Variants in GABPB1 observed in about 807,000 individuals in gnomAD.
The protein encoded by GABPB1 is GA-binding protein subunit beta-1.
A neutral mutation model predicts 45.9 loss-of-function variants in GABPB1; 15 were observed. The ratio of observed to expected loss-of-function variants is 0.33; its 90% CI spans 0.22 to 0.50. The LOEUF (loss-of-function observed/expected upper bound fraction) is 0.50, where lower values mean the gene tolerates loss of function less well. Among genes scored for constraint, GABPB1 ranks in the 20% least tolerant of loss-of-function variants. The pLI is 0.98. For synonymous variants in GABPB1, 143 were observed against 154.4 expected (o/e 0.93, Z 0.55); for missense variants, 252 against 457.5 (o/e 0.55, Z 4.10).
chr15:50,310,629 T>C (rs1395312032), intron 1 of GABPB1, among the ~76,000 whole-genome samples: 1 of 152,194 alleles, frequency 6.6e-6, no homozygotes, highest in African/African-American at 2.4e-5. Context: ...AAGTAAACAA[T>C]TCACATTCTA....
intron 8 of GABPB1, among the ~76,000 whole-genome samples, chr15:50,281,920 G>A (rs1039987057): frequency 6.6e-6 from 1 of 151,510 alleles, no homozygotes; most frequent in African/African-American, 2.4e-5. Context: ...TGGGCAACAG[G>A]GCAAAACCTC....
At chr15:50,298,745 A>G (rs2046613759) in intron 6 of GABPB1, among the ~76,000 whole-genome samples, 1 of 152,198 alleles carries the variant, frequency 6.6e-6, no homozygotes, top group Non-Finnish European at 1.5e-5. Context: ...TGAGGTGAGG[A>G]GTTCGAGACC....
intron 2 of GABPB1, among the ~76,000 whole-genome samples, chr15:50,306,786 T>C (rs1157721524): frequency 6.6e-6 from 1 of 152,130 alleles, no homozygotes; most frequent in African/African-American, 2.4e-5. Flanking sequence ...TTGCCTGTTT[T>C]GAGTTTTATT....
chr15:50,348,642 T>A (rs1162658980), intron 1 of GABPB1, among the ~76,000 whole-genome samples: 2 of 151,378 alleles, frequency 1.3e-5, no homozygotes, highest in Non-Finnish European at 2.9e-5. Context: ...GGCAGGCAGA[T>A]CACAAGGTCA....
chr15:50,324,623 C>A (rs1477362050), intron 1 of GABPB1, among the ~76,000 whole-genome samples: 1 of 149,346 alleles, frequency 6.7e-6, no homozygotes, highest in Non-Finnish European at 1.5e-5. Context: ...CGGCTCACTG[C>A]AACCTCCGCC....
rs1242480146 is a variant in GABPB1 at position 50,289,517 on chromosome 15, C to T, written c.849G>A (p.Gln283=). The T allele has an allele frequency of 1.2e-6, 2 of 1,613,052 alleles. No homozygotes were observed. The highest frequency in any genetic ancestry group is 3.3e-5 in the Admixed American group (2 of 59,948). ...LHSIPTSGIG[Q]PIIVTMPDGQ... ...CATCTGGCATGGTCACAATGATGGG[C>T]TGACCAATTCCACTGGTTGGAATAG... The change falls in exon 7 of 9, where the codon CAG becomes CAA. Residue 283 remains glutamine (Q), a synonymous_variant. Coordinates refer to ENST00000380877, the MANE Select transcript of GABPB1 (RefSeq NM_016654.5).
chr15:50,355,134 G>A lies in GABPB1; in HGVS notation c.-150C>T, dbSNP rs1390550372. 1 of 153,186 alleles carries A rather than the reference G, an allele frequency of 6.5e-6. No homozygotes were observed. The highest frequency in any genetic ancestry group is 1.5e-5 in the Non-Finnish European group (1 of 68,334). The allele number at this position is 153,186 out of a possible 1,614,324, so 9.5% of individuals were successfully genotyped here. ...GCTATTTTCCGAAAATGCCGCGTCTGGTCGGCGCCCAAAATCCCCACCGAA... is the reference window on the plus strand; with the variant it reads ...GCTATTTTCCGAAAATGCCGCGTCTAGTCGGCGCCCAAAATCCCCACCGAA... On this transcript the variant is annotated 5_prime_UTR_variant, in exon 1 of 9. It introduces an in-frame stop codon into an upstream open reading frame of the 5' UTR. Coordinates refer to ENST00000380877, the MANE Select transcript of GABPB1 (RefSeq NM_016654.5).
intron 6 of GABPB1, among the ~76,000 whole-genome samples, chr15:50,296,277 G>C (rs1241430382): frequency 6.6e-6 from 1 of 152,144 alleles, no homozygotes; most frequent in Non-Finnish European, 1.5e-5. Flanking sequence ...TACTGATGGA[G>C]CTTACACTAT....
At chr15:50,332,457 T>C (rs1210489093) in intron 1 of GABPB1, among the ~76,000 whole-genome samples, 1 of 152,150 alleles carries the variant, frequency 6.6e-6, no homozygotes, top group African/African-American at 2.4e-5. Flanking sequence ...CAAATATAAT[T>C]TTTTAAATCT....
Position 50,318,189 on chromosome 15 carries a change from T to A in GABPB1, c.1-8391A>T, listed in dbSNP as rs146849323. Among the ~76,000 whole-genome samples, 1,070 of 152,250 alleles carry A rather than the reference T, an allele frequency of 7.0e-3. 5 individuals carry two copies. Among genetic ancestry groups the A allele is most frequent in the Admixed American group, 0.011 (163 of 15,296 alleles). The stretch of plus-strand genomic sequence containing the variant: ...GGAAGCAAGTAAAAAGTAAAAAGAT[T>A]TACCAAAGAACACTAGTTTTGATCT... On this transcript the variant is annotated intron_variant, in intron 1 of 8. Transcript: ENST00000380877.
chr15:50,331,402 G>T (rs1280976276), intron 1 of GABPB1, among the ~76,000 whole-genome samples: 3 of 152,208 alleles, frequency 2.0e-5, no homozygotes, highest in Non-Finnish European at 2.9e-5. Flanking sequence ...ATTAACCAGA[G>T]ATTATTTGAC....
chr15:50,312,370 CT>C (rs1288104562), intron 1 of GABPB1, among the ~76,000 whole-genome samples: 3 of 152,098 alleles, frequency 2.0e-5, no homozygotes, highest in Non-Finnish European at 2.9e-5. Context: ...ATTTCCTTTC[CT>C]TTTTTTCTCC....
At chr15:50,317,291 G>A (rs2047367982) in intron 1 of GABPB1, among the ~76,000 whole-genome samples, 1 of 151,554 alleles carries the variant, frequency 6.6e-6, no homozygotes, top group Admixed American at 6.6e-5. Flanking sequence ...TGTAATCCCA[G>A]CTACTCCGGA....
In GABPB1 at chr15:50,303,044, A is replaced by G; in HGVS notation, c.356T>C (p.Val119Ala). 6.2e-7 allele frequency: 1 copy of G among 1,613,962 alleles called. No individual in the cohort carries two copies. The highest frequency in any genetic ancestry group is 1.1e-5 in the South Asian group (1 of 91,076). Residue 119 changes from valine (V) to alanine (A), a missense_variant, in exon 4 of 9, where the codon GTG becomes GCG. By Grantham distance (64) the Val-to-Ala change is moderately conservative. This residue lies in a region of GABPB1 where 193 missense variants were observed against 259.9 expected (regional missense o/e 0.74). Coordinates refer to ENST00000380877, the MANE Select transcript of GABPB1 (RefSeq NM_016654.5). ...HWATEHNHQE[V>A]VELLIKYGAD... ...ACCATATTTGATTAAAAGTTCCACC[A>G]CCTCTTGATGATTGTGTTCTGTGGC...
chr15:50,301,946 G>A (rs957528290), intron 4 of GABPB1, among the ~76,000 whole-genome samples: 1 of 152,162 alleles, frequency 6.6e-6, no homozygotes, highest in Non-Finnish European at 1.5e-5. Flanking sequence ...TAAAAGGAAT[G>A]AAAAGAGGCA....
At chr15:50,329,226 A>G (rs1338804270) in intron 1 of GABPB1, among the ~76,000 whole-genome samples, 2 of 152,184 alleles carry the variant, frequency 1.3e-5, no homozygotes, top group African/African-American at 4.8e-5. Flanking sequence ...GCTCACATCT[A>G]CCAAGATGAC....
intron 6 of GABPB1, among the ~76,000 whole-genome samples, chr15:50,299,681 A>T (rs2046658248): frequency 6.6e-6 from 1 of 152,148 alleles, no homozygotes; most frequent in Non-Finnish European, 1.5e-5. Flanking sequence ...TTACAGGAGC[A>T]AGCCACCGCA....
At chr15:50,346,609 A>G (rs954307145) in intron 1 of GABPB1, among the ~76,000 whole-genome samples, 15 of 35,640 alleles carry the variant, frequency 4.2e-4, no homozygotes, top group African/African-American at 1.8e-3. Context: ...TTTTTTTTGT[A>G]GAGATGGGAG....
At chr15:50,329,466 T>C (rs184736027) in intron 1 of GABPB1, among the ~76,000 whole-genome samples, 4 of 152,316 alleles carry the variant, frequency 2.6e-5, no homozygotes, top group Admixed American at 1.3e-4. Context: ...TCATATGGTG[T>C]CAAAATTAAA....
Sources: allele counts gnomAD v4.1 joint callset (sites outside exome capture counted in the v4.1 genomes callset), GRCh38; gene constraint gnomAD v4.1.1; regional missense constraint gnomAD v4.1.1; transcripts MANE v1.5; gene names NCBI Gene and HGNC (gene_info 2026-07-23, HGNC 2026-07-21).